The following RBFOX1 variants were observed in gnomAD, a reference collection of about 807,000 sequenced individuals.
RBFOX1 encodes RNA binding protein fox-1 homolog 1.
Under a neutral mutation model 57.7 loss-of-function variants are expected in RBFOX1, and 8 were observed. The ratio of observed to expected loss-of-function variants is 0.14; its 90% confidence interval spans 0.08 to 0.25. RBFOX1 has a LOEUF of 0.25. Among genes scored for constraint, RBFOX1 ranks in the 10% least tolerant of loss-of-function variants. RBFOX1 has a pLI of 1.00. For synonymous variants in RBFOX1, 326 were observed against 222.4 expected, an observed-to-expected ratio of 1.47 and a Z score of -4.15; for missense variants, 611 against 548.5, an observed-to-expected ratio of 1.11 and a Z score of -1.14.
chr16:6,530,489 G>T (rs999525478), intron 2 of RBFOX1, among the ~76,000 whole-genome samples: 3 of 152,088 alleles, frequency 2.0e-5, no homozygotes, highest in South Asian at 2.1e-4. Context: ...TCTTTCTCAC[G>T]ATGCATAACT....
chr16:6,514,193 C>G (rs2096319485), intron 2 of RBFOX1, among the ~76,000 whole-genome samples: 3 of 152,148 alleles, frequency 2.0e-5, no homozygotes, highest in Admixed American at 2.0e-4. Context: ...AGGCTTATCT[C>G]CCATCCTTTG....
chr16:6,029,791 A>T (rs977974612), intron 1 of RBFOX1, among the ~76,000 whole-genome samples: 1 of 148,938 alleles, frequency 6.7e-6, no homozygotes, highest in African/African-American at 2.4e-5. Context: ...AAAAAAAAAA[A>T]GGGGAAAGAA....
At chr16:6,917,291 C>T (rs553471894) in intron 3 of RBFOX1, among the ~76,000 whole-genome samples, 1 of 152,196 alleles carries the variant, frequency 6.6e-6, no homozygotes, top group Non-Finnish European at 1.5e-5. Context: ...CATTTGTAAC[C>T]AAACACTGAA....
intron 8 of RBFOX1, among the ~76,000 whole-genome samples, chr16:7,596,415 G>A (rs959448065): frequency 5.9e-5 from 9 of 151,588 alleles, no homozygotes; most frequent in African/African-American, 1.9e-4. Context: ...GGAGTAAGAT[G>A]TTGCATATTT....
intron 2 of RBFOX1, among the ~76,000 whole-genome samples, chr16:6,624,072 A>G (rs998520412): frequency 2.0e-5 from 3 of 152,128 alleles, no homozygotes; most frequent in Admixed American, 6.5e-5. Context: ...TGAAAATTCT[A>G]TGGTCCATTT....
rs114094594 is a variant in RBFOX1, at chr16:7,613,880, C to T, written c.676+6542C>T. On this transcript the variant is annotated intron_variant, in intron 10 of 15. Coordinates refer to ENST00000550418, the MANE Select transcript of RBFOX1 (RefSeq NM_018723.4). ...AGAACCCACCTTTGATCACTGTGGT[C>T]CCTGACACAAGTTTGCTCTATTTTA... is the stretch of plus-strand genomic sequence containing the variant. Among the ~76,000 whole-genome samples the T allele has an allele frequency of 2.1e-3, 326 of 152,250 alleles. 1 individual carries two copies. The highest frequency in any genetic ancestry group is 7.5e-3 in the African/African-American group (310 of 41,548).
At chr16:6,296,583 G>A (rs1477879460) in intron 1 of RBFOX1, among the ~76,000 whole-genome samples, 2 of 152,026 alleles carry the variant, frequency 1.3e-5, no homozygotes, top group African/African-American at 4.8e-5. Flanking sequence ...ACCACACCTG[G>A]CTAATCTTTT....
chr16:7,272,864 GTTCTTCCCTTCCTTCCCTCCT>G (rs1368716365), intron 4 of RBFOX1, among the ~76,000 whole-genome samples: 1 of 101,888 alleles, frequency 9.8e-6, no homozygotes, highest in East Asian at 3.4e-4. Flanking sequence ...CTTCCCTTCC[GTTCTTCCCTTCCTTCCCTCCT>G]TTCTTCCTTC....
intron 1 of RBFOX1, among the ~76,000 whole-genome samples, chr16:5,354,444 G>T (rs2065338284): frequency 6.6e-6 from 1 of 152,212 alleles, no homozygotes; most frequent in Non-Finnish European, 1.5e-5. Context: ...ATCTTGCCAA[G>T]CCCCGGTTTT....
At chr16:6,779,771 ATATT>A (rs1449111748) in intron 3 of RBFOX1, among the ~76,000 whole-genome samples, 7 of 6,288 alleles carry the variant, frequency 1.1e-3, no homozygotes, top group Admixed American at 8.3e-3. Context: ...ATTTATATAT[ATATT>A]TATATATATT....
chr16:6,915,158 A>G (rs1035103096), intron 3 of RBFOX1, among the ~76,000 whole-genome samples: 1 of 152,190 alleles, frequency 6.6e-6, no homozygotes, highest in South Asian at 2.1e-4. Flanking sequence ...CTCGGGGTCA[A>G]GGCACTGGGG....
At chr16:6,392,912 T>TGAAA (rs1328469225) in intron 2 of RBFOX1, among the ~76,000 whole-genome samples, 1 of 152,256 alleles carries the variant, frequency 6.6e-6, no homozygotes, top group Non-Finnish European at 1.5e-5. Flanking sequence ...ATAAACCATA[T>TGAAA]GACCCACCCT....
intron 1 of RBFOX1, among the ~76,000 whole-genome samples, chr16:6,269,511 T>A (rs1041397846): frequency 6.6e-6 from 1 of 152,172 alleles, no homozygotes; most frequent in Non-Finnish European, 1.5e-5. Flanking sequence ...CACGCCATCC[T>A]TATAGGAGGA....
chr16:5,629,348 C>G (rs1596510145), intron 3 of RBFOX1, among the ~76,000 whole-genome samples: 2 of 152,298 alleles, frequency 1.3e-5, no homozygotes, highest in East Asian at 3.9e-4. Context: ...CTAACAAGAG[C>G]AGACCCAGCT....
chr16:7,340,881 A>G (rs2096878151), intron 4 of RBFOX1, among the ~76,000 whole-genome samples: 2 of 152,180 alleles, frequency 1.3e-5, no homozygotes, highest in African/African-American at 4.8e-5. Context: ...TGCAGCAGCC[A>G]TCTGTCATTT....
chr16:6,346,375 G>T (rs1599877739), intron 2 of RBFOX1, among the ~76,000 whole-genome samples: 1 of 152,194 alleles, frequency 6.6e-6, no homozygotes, highest in Non-Finnish European at 1.5e-5. Context: ...TTTAGTATGT[G>T]AACTAAGTGA....
chr16:5,595,317 G>C (rs1436769102), intron 2 of RBFOX1, among the ~76,000 whole-genome samples: 1 of 152,182 alleles, frequency 6.6e-6, no homozygotes, highest in African/African-American at 2.4e-5. Flanking sequence ...TGGGATCTCT[G>C]CCTGGGTCAC....
intron 4 of RBFOX1, among the ~76,000 whole-genome samples, chr16:7,322,231 T>C (rs1156768194): frequency 6.6e-6 from 1 of 152,212 alleles, no homozygotes; most frequent in Non-Finnish European, 1.5e-5. Flanking sequence ...GAAAGATGTG[T>C]TTTGCACTTC....
intron 4 of RBFOX1, among the ~76,000 whole-genome samples, chr16:7,286,273 C>T (rs79620323): frequency 0.031 from 4,644 of 152,118 alleles, 133 homozygotes; most frequent in East Asian, 0.13. Context: ...TTGAAGGTGA[C>T]ATGAGGAAAT....
Sources: allele counts gnomAD v4.1 joint callset (sites outside exome capture counted in the v4.1 genomes callset), GRCh38; gene constraint gnomAD v4.1.1; transcripts MANE v1.5; gene names NCBI Gene and HGNC (gene_info 2026-07-23, HGNC 2026-07-21).